Variants in OR51B5 observed in about 807,000 individuals in gnomAD.
The protein encoded by OR51B5 is olfactory receptor family 51 subfamily B member 5, also known as olfactory receptor 51B5.
For synonymous variants in OR51B5, 186 were observed against 144.8 expected (o/e 1.28, Z -2.04); for missense variants, 456 against 374.6 (o/e 1.22, Z -1.79).
chr11:5,373,411 G>A (rs1031896211), intron 1 of OR51B5, among the ~76,000 whole-genome samples: 8 of 152,132 alleles, frequency 5.3e-5, no homozygotes, highest in Admixed American at 1.3e-4. Context: ...CACAGAAGAC[G>A]GGTGATTTCT....
intron 1 of OR51B5, among the ~76,000 whole-genome samples, chr11:5,415,263 C>CACA (rs1850222917): frequency 6.6e-6 from 1 of 150,382 alleles, no homozygotes; most frequent in Admixed American, 6.7e-5. Flanking sequence ...ATCTCTGGGA[C>CACA]ACATTCAAAG....
chr11:5,357,635 G>A (rs1039971482), intron 1 of OR51B5, among the ~76,000 whole-genome samples: 7 of 151,504 alleles, frequency 4.6e-5, no homozygotes, highest in Admixed American at 6.6e-5. Flanking sequence ...TCTGCACCAA[G>A]CGGACCTAAT....
intron 1 of OR51B5, among the ~76,000 whole-genome samples, chr11:5,394,098 T>A (rs1038683002): frequency 6.6e-6 from 1 of 152,118 alleles, no homozygotes; most frequent in Middle Eastern, 3.2e-3. Context: ...TTTTAAGAGT[T>A]ATAGATTCAC....
chr11:5,360,690 A>T (rs1849269950), intron 1 of OR51B5, among the ~76,000 whole-genome samples: 1 of 151,972 alleles, frequency 6.6e-6, no homozygotes, highest in Non-Finnish European at 1.5e-5. Flanking sequence ...ACACATGCAC[A>T]TGTATGTTTA....
At chr11:5,382,344 T>C (rs543366563) in intron 1 of OR51B5, among the ~76,000 whole-genome samples, 118 of 152,192 alleles carry the variant, frequency 7.8e-4, no homozygotes, top group Non-Finnish European at 1.5e-3. Flanking sequence ...TTAGTCTTCA[T>C]AGCTCAGGTT....
intron 1 of OR51B5, among the ~76,000 whole-genome samples, chr11:5,457,109 G>A (rs1850972446): frequency 6.6e-6 from 1 of 152,174 alleles, no homozygotes; most frequent in South Asian, 2.1e-4. Context: ...CCCAAAGGTA[G>A]TTTTTTGAAC....
chr11:5,397,817 A>G (rs537480715), intron 1 of OR51B5, among the ~76,000 whole-genome samples: 3,829 of 151,314 alleles, frequency 0.025, 147 homozygotes, highest in African/African-American at 0.085. Flanking sequence ...TCCAACAATG[A>G]TAGACTGGAT....
intron 1 of OR51B5, among the ~76,000 whole-genome samples, chr11:5,360,398 C>G (rs994828370): frequency 1.3e-5 from 2 of 151,764 alleles, no homozygotes; most frequent in Non-Finnish European, 2.9e-5. Flanking sequence ...AAATGCTCAT[C>G]ATCACTGGCC....
chr11:5,423,384 C>G (rs1589989110), intron 1 of OR51B5, among the ~76,000 whole-genome samples: 1 of 152,138 alleles, frequency 6.6e-6, no homozygotes, highest in East Asian at 1.9e-4. Flanking sequence ...TAGCAGCTAT[C>G]CCAACGGGAG....
At chr11:5,407,001 CA>C (rs984747895) in intron 1 of OR51B5, among the ~76,000 whole-genome samples, 1 of 151,942 alleles carries the variant, frequency 6.6e-6, no homozygotes, top group Non-Finnish European at 1.5e-5. Flanking sequence ...CCCAAAACCA[CA>C]AAATTAATGA....
chr11:5,448,971 A>G (rs1850807377), intron 1 of OR51B5, among the ~76,000 whole-genome samples: 1 of 152,248 alleles, frequency 6.6e-6, no homozygotes, highest in East Asian at 1.9e-4. Flanking sequence ...ATATTTAAAG[A>G]GACAAGAAGA....
chr11:5,475,215 AAG>A (rs1851285667), intron 1 of OR51B5, among the ~76,000 whole-genome samples: 1 of 152,152 alleles, frequency 6.6e-6, no homozygotes, highest in East Asian at 1.9e-4. Context: ...CATCAATATT[AAG>A]TCAACTTTCA....
intron 1 of OR51B5, among the ~76,000 whole-genome samples, chr11:5,372,676 A>G (rs1849464133): frequency 6.6e-6 from 1 of 152,220 alleles, no homozygotes; most frequent in South Asian, 2.1e-4. Flanking sequence ...TGTATCAGAT[A>G]TATGATCTGT....
chr11:5,381,109 C>T (rs1849602222), intron 1 of OR51B5, among the ~76,000 whole-genome samples: 2 of 115,964 alleles, frequency 1.7e-5, no homozygotes, highest in African/African-American at 5.7e-5. Flanking sequence ...AGGCTTTCCA[C>T]CCCACCATAC....
At chr11:5,374,787 A>G (rs916116138) in intron 1 of OR51B5, among the ~76,000 whole-genome samples, 1 of 152,174 alleles carries the variant, frequency 6.6e-6, no homozygotes, top group Non-Finnish European at 1.5e-5. Context: ...TAGAGAAAAA[A>G]GAATAAAAAG....
chr11:5,467,651 T>C (rs1377003225), intron 1 of OR51B5, among the ~76,000 whole-genome samples: 1 of 152,250 alleles, frequency 6.6e-6, no homozygotes, highest in Non-Finnish European at 1.5e-5. Flanking sequence ...TCTTTGTGGC[T>C]TTCTCTGTGA....
chr11:5,455,977 T>A (rs1322746353), intron 1 of OR51B5: 1 of 152,218 alleles, frequency 6.6e-6, no homozygotes, highest in Non-Finnish European at 1.5e-5. Context: ...TGGTCTTCAG[T>A]CAATTTAAAT....
At chr11:5,393,439 T>C (rs550733297) in intron 1 of OR51B5, among the ~76,000 whole-genome samples, 2 of 152,164 alleles carry the variant, frequency 1.3e-5, no homozygotes, top group African/African-American at 4.8e-5. Flanking sequence ...TATAAATATT[T>C]GTATCAAAAG....
upstream of OR51B5, among the ~76,000 whole-genome samples, chr11:5,344,498 G>C (rs1191066705): frequency 6.6e-6 from 1 of 152,120 alleles, no homozygotes; most frequent in South Asian, 2.1e-4. Flanking sequence ...CCAATACTGA[G>C]TGAGAGCTAT....
Sources: allele counts gnomAD v4.1 joint callset (sites outside exome capture counted in the v4.1 genomes callset), GRCh38; gene constraint gnomAD v4.1.1; transcripts MANE v1.5; gene names NCBI Gene and HGNC (gene_info 2026-07-23, HGNC 2026-07-21).